Variants in ST6GALNAC5 observed in about 807,000 individuals in gnomAD.
The protein encoded by ST6GALNAC5 is ST6 N-acetylgalactosaminide alpha-2,6-sialyltransferase 5, also known as alpha-N-acetylgalactosaminide alpha-2,6-sialyltransferase 5.
A neutral mutation model predicts 33.6 loss-of-function variants in ST6GALNAC5; 27 were observed. That is an observed-to-expected ratio of 0.80 (90% CI 0.59 to 1.11). ST6GALNAC5 has a LOEUF of 1.11. Ranked by LOEUF, ST6GALNAC5 falls within the 50% of genes least tolerant of loss-of-function variation. ST6GALNAC5 has a pLI of 0.00. For synonymous variants in ST6GALNAC5, 194 were observed against 171.2 expected (o/e 1.13, Z -1.04); for missense variants, 428 against 454.0 (o/e 0.94, Z 0.52).
At chr1:76,945,538 T>G (rs1028576762) in intron 2 of ST6GALNAC5, among the ~76,000 whole-genome samples, 7 of 152,140 alleles carry the variant, frequency 4.6e-5, no homozygotes. Context: ...AAATAACTAA[T>G]GCACAATCCC....
chr1:76,992,932 C>T (rs909360143), intron 2 of ST6GALNAC5, among the ~76,000 whole-genome samples: 1 of 152,206 alleles, frequency 6.6e-6, no homozygotes, highest in Non-Finnish European at 1.5e-5. Flanking sequence ...TCTTGCTGCC[C>T]TTGAGCTACC....
At chr1:76,943,679 A>G (rs1483172881) in intron 2 of ST6GALNAC5, among the ~76,000 whole-genome samples, 1 of 152,078 alleles carries the variant, frequency 6.6e-6, no homozygotes, top group Non-Finnish European at 1.5e-5. Flanking sequence ...GTCCTTCATA[A>G]CAGTGTAGGA....
At chr1:76,975,067 G>A (rs944963997) in intron 2 of ST6GALNAC5, among the ~76,000 whole-genome samples, 4 of 151,900 alleles carry the variant, frequency 2.6e-5, no homozygotes, top group East Asian at 1.9e-4. Flanking sequence ...GATTACAAGC[G>A]TGAGCCACCG....
At chr1:76,874,163 T>C (rs1452977942) in intron 2 of ST6GALNAC5, among the ~76,000 whole-genome samples, 1 of 152,234 alleles carries the variant, frequency 6.6e-6, no homozygotes, top group East Asian at 1.9e-4. Context: ...TTTATTAGCC[T>C]CATATCTCTT....
chr1:76,984,857 C>T (rs1412982325), intron 2 of ST6GALNAC5, among the ~76,000 whole-genome samples: 1 of 152,206 alleles, frequency 6.6e-6, no homozygotes, highest in Non-Finnish European at 1.5e-5. Context: ...AAGGCTGTTT[C>T]AACATACACA....
chr1:77,042,715 A>C (rs1354949449), intron 2 of ST6GALNAC5, among the ~76,000 whole-genome samples: 1 of 152,260 alleles, frequency 6.6e-6, no homozygotes, highest in Admixed American at 6.5e-5. Context: ...CTAAAGGTTC[A>C]ACCGTATGCA....
At chr1:76,871,924 A>G (rs1036863279) in intron 2 of ST6GALNAC5, among the ~76,000 whole-genome samples, 1 of 152,006 alleles carries the variant, frequency 6.6e-6, no homozygotes, top group Non-Finnish European at 1.5e-5. Flanking sequence ...CAGGTACTAT[A>G]TCTGTATTCT....
chr1:76,899,120 C>G (rs775289804), intron 2 of ST6GALNAC5, among the ~76,000 whole-genome samples: 4 of 152,100 alleles, frequency 2.6e-5, no homozygotes, highest in Non-Finnish European at 5.9e-5. Context: ...CTATTTGGAA[C>G]TACTGTCGAG....
Position 76,867,591 on chromosome 1 carries a change from C to G in ST6GALNAC5, c.-85C>G. On this transcript the variant is annotated 5_prime_UTR_variant, in exon 1 of 5. Transcript: ENST00000477717. ...GGGCAAAAATCAGAGCCGCCTCCGCCCCATTACCCATCATGGAAACCCTCC... is the reference window on the plus strand; with the variant it reads ...GGGCAAAAATCAGAGCCGCCTCCGCGCCATTACCCATCATGGAAACCCTCC... 6.2e-7 allele frequency: 1 copy of G among 1,607,720 alleles called. No homozygotes were observed. The highest frequency in any genetic ancestry group is 8.5e-7 in the Non-Finnish European group (1 of 1,174,276).
In ST6GALNAC5 at chr1:76,868,947, A is replaced by G; in HGVS notation, c.261+205A>G. 1 of 859,650 alleles carries G rather than the reference A, an allele frequency of 1.2e-6. No individual in the cohort carries two copies. Among genetic ancestry groups the G allele is most frequent in the Non-Finnish European group, 1.7e-6 (1 of 603,226 alleles). The allele number at this position is 859,650 out of a possible 1,614,324, so 53.3% of individuals were successfully genotyped here. A position where few individuals can be genotyped will look rare whatever the true frequency, so the allele number is the denominator to read the frequency against. On this transcript the variant is annotated intron_variant, in intron 2 of 4. Coordinates refer to ENST00000477717, the MANE Select transcript of ST6GALNAC5 (RefSeq NM_030965.3). This position sits in a 1 kb window ranked among gnomAD's most constrained non-coding sequence, Gnocchi z 4.3. The stretch of plus-strand genomic sequence containing the variant: ...AAAGACACAAAGTTTTGTAGAAAAT[A>G]GGGGTGAGGTGCGTGGACCCCAAAG...
At chr1:76,902,323 A>G (rs550744663) in intron 2 of ST6GALNAC5, among the ~76,000 whole-genome samples, 14 of 152,330 alleles carry the variant, frequency 9.2e-5, no homozygotes, top group Admixed American at 8.5e-4. Context: ...GAAGTGTAAA[A>G]CTAATACTCT....
At chr1:76,885,093 A>T (rs1360497963) in intron 2 of ST6GALNAC5, among the ~76,000 whole-genome samples, 1 of 152,158 alleles carries the variant, frequency 6.6e-6, no homozygotes, top group South Asian at 2.1e-4. Context: ...CTTACTTTAT[A>T]TCTCTTTCAG....
chr1:77,015,257 G>T (rs780436748), intron 2 of ST6GALNAC5, among the ~76,000 whole-genome samples: 5 of 152,174 alleles, frequency 3.3e-5, no homozygotes, highest in African/African-American at 7.2e-5. Flanking sequence ...GAGGAGATGA[G>T]ATGAGATGTC....
intron 2 of ST6GALNAC5, among the ~76,000 whole-genome samples, chr1:76,936,963 T>TGTGTGTGTGTGTGTGTGTGTGTGG (rs1647212644): frequency 6.8e-6 from 1 of 146,178 alleles, no homozygotes; most frequent in South Asian, 2.1e-4. Context: ...GGTGTGTGTG[T>TGTGTGTGTGTGTGTGTGTGTGTGG]GTGTGTGTGT....
intron 2 of ST6GALNAC5, among the ~76,000 whole-genome samples, chr1:76,951,419 A>G (rs1433093682): frequency 6.6e-6 from 1 of 152,086 alleles, no homozygotes; most frequent in African/African-American, 2.4e-5. Context: ...GTGGGAGTTG[A>G]GCAATTAGAA....
intron 2 of ST6GALNAC5, among the ~76,000 whole-genome samples, chr1:76,964,218 A>G (rs1648363790): frequency 1.3e-5 from 2 of 152,148 alleles, no homozygotes; most frequent in Admixed American, 1.3e-4. Flanking sequence ...AAAAAAAAAT[A>G]AAGTCTCTTA....
Position 77,066,798 on chromosome 1 carries a change from C to T in ST6GALNAC5, c.*3592C>T, listed in dbSNP as rs958148911. 6.6e-6 allele frequency among the ~76,000 whole-genome samples: 1 copy of T among 152,210 alleles called. No individual in the cohort carries two copies. The highest frequency in any genetic ancestry group is 1.5e-5 in the Non-Finnish European group (1 of 68,024). ...GCTTCTCTCTTAAACCTCATTGTAT[C>T]TCTTTACTGTCATTTTCTCCCAATT... On this transcript the variant is annotated 3_prime_UTR_variant, in exon 5 of 5. Transcript: ENST00000477717.
At chr1:76,944,717 G>T (rs1039827735) in intron 2 of ST6GALNAC5, among the ~76,000 whole-genome samples, 1 of 152,082 alleles carries the variant, frequency 6.6e-6, no homozygotes, top group Non-Finnish European at 1.5e-5. Context: ...AAGGGGCAAG[G>T]TCTCAGGTTA....
At chr1:76,910,636 T>C (rs1646902261) in intron 2 of ST6GALNAC5, among the ~76,000 whole-genome samples, 1 of 152,090 alleles carries the variant, frequency 6.6e-6, no homozygotes, top group Non-Finnish European at 1.5e-5. Flanking sequence ...CGTATGCTTC[T>C]AATGATACCT....
Sources: allele counts gnomAD v4.1 joint callset (sites outside exome capture counted in the v4.1 genomes callset), GRCh38; gene constraint gnomAD v4.1.1; non-coding constraint Gnocchi (gnomAD v3.1); transcripts MANE v1.5; gene names NCBI Gene and HGNC (gene_info 2026-07-23, HGNC 2026-07-21).